Variants in LRBA observed in about 807,000 individuals in gnomAD.
The protein encoded by LRBA is LPS responsive beige-like anchor protein, also known as lipopolysaccharide-responsive and beige-like anchor protein.
A neutral mutation model predicts 330.0 loss-of-function variants in LRBA; 176 were observed. The observed-to-expected ratio is 0.53, with a 90% CI of 0.47 to 0.60. The LOEUF is 0.60. Among genes scored for constraint, LRBA ranks in the 20% least tolerant of loss-of-function variants. The pLI, the probability that LRBA is intolerant of heterozygous loss-of-function variation, is 0.00. For missense variants in LRBA, 3,259 were observed against 3,444.8 expected (o/e 0.95, Z 1.35); for synonymous variants, 1,230 against 1,193.0 (o/e 1.03, Z -0.64).
chr4:150,365,933 T>C (rs1739408665), intron 47 of LRBA, among the ~76,000 whole-genome samples: 1 of 152,180 alleles, frequency 6.6e-6, no homozygotes, highest in Admixed American at 6.5e-5. Context: ...AACATTTTCA[T>C]GTAACTACCC....
intron 40 of LRBA, among the ~76,000 whole-genome samples, chr4:150,496,253 T>C (rs539415541): frequency 6.6e-6 from 1 of 152,232 alleles, no homozygotes; most frequent in South Asian, 2.1e-4. Flanking sequence ...CACTTATTCT[T>C]AGTAAAAGTA....
At chr4:150,352,368 T>G (rs1482290095) in intron 47 of LRBA, among the ~76,000 whole-genome samples, 4 of 152,210 alleles carry the variant, frequency 2.6e-5, no homozygotes, top group Non-Finnish European at 5.9e-5. Flanking sequence ...AAAATTTCCT[T>G]TAATATTTAA....
At chr4:150,359,707 G>A (rs760813829) in intron 47 of LRBA, among the ~76,000 whole-genome samples, 43 of 152,082 alleles carry the variant, frequency 2.8e-4, no homozygotes, top group Admixed American at 6.6e-4. Context: ...TTGACCAGGC[G>A]CAGTGGGTTA....
chr4:150,318,831 C>T (rs1164775394), intron 50 of LRBA, among the ~76,000 whole-genome samples: 1 of 152,098 alleles, frequency 6.6e-6, no homozygotes, highest in Non-Finnish European at 1.5e-5. Context: ...GCTCACTGAA[C>T]AGAAATATAG....
In LRBA at chr4:150,893,096, G is replaced by A. The variant is rs2127098245; in HGVS notation, c.2121C>T (p.His707=). 2 of 1,612,360 alleles carry A rather than the reference G, an allele frequency of 1.2e-6. No homozygotes were observed. Among genetic ancestry groups the A allele is most frequent in the East Asian group, 2.2e-5 (1 of 44,734 alleles). ...CAAAAGCAGGAATCATAGAGTTAGG[G>A]TGTTCTGACATTAATGCAACAAGCA... ...LQLLVALMSE[H]PNSMIPAFDQ... is the part of the protein sequence containing the mutation. Residue 707 remains histidine (H), a synonymous_variant, in exon 17 of 57, where the codon CAC becomes CAT. Coordinates refer to ENST00000651943, the MANE Select transcript of LRBA (RefSeq NM_001364905.1).
chr4:150,809,892 TACG>T (rs1560850088), intron 31 of LRBA, among the ~76,000 whole-genome samples: 2 of 149,878 alleles, frequency 1.3e-5, no homozygotes, highest in East Asian at 2.0e-4. Flanking sequence ...TACGATACGA[TACG>T]ATACGATACG....
At chr4:150,531,823 C>A (rs967522305) in intron 40 of LRBA, among the ~76,000 whole-genome samples, 1 of 152,182 alleles carries the variant, frequency 6.6e-6, no homozygotes, top group Non-Finnish European at 1.5e-5. Flanking sequence ...CAGTTGGATT[C>A]TCCTAATTAA....
At chr4:150,399,578 G>C (rs973814957) in intron 47 of LRBA, among the ~76,000 whole-genome samples, 2 of 152,134 alleles carry the variant, frequency 1.3e-5, no homozygotes, top group African/African-American at 4.8e-5. Context: ...TAACATGCTA[G>C]CTGTTAAGTA....
chr4:150,999,790 C>T (rs1317855230), intron 2 of LRBA, among the ~76,000 whole-genome samples: 2 of 151,822 alleles, frequency 1.3e-5, no homozygotes, highest in Non-Finnish European at 2.9e-5. Context: ...TGGTAATAAA[C>T]ATTTCCTAAG....
chr4:150,365,674 C>T (rs1581123370), intron 47 of LRBA, among the ~76,000 whole-genome samples: 1 of 151,562 alleles, frequency 6.6e-6, no homozygotes, highest in Non-Finnish European at 1.5e-5. Context: ...GACTGTAATC[C>T]CAGCTACTCA....
chr4:150,647,721 C>A (rs761247275), intron 37 of LRBA, among the ~76,000 whole-genome samples: 1 of 151,984 alleles, frequency 6.6e-6, no homozygotes, highest in Non-Finnish European at 1.5e-5. Context: ...CTGAACAACT[C>A]AAAGTTCCTT....
intron 2 of LRBA, among the ~76,000 whole-genome samples, chr4:150,938,644 C>G (rs752794556): frequency 6.6e-6 from 1 of 152,222 alleles, no homozygotes; most frequent in African/African-American, 2.4e-5. Context: ...TTTCCAGCTA[C>G]GCTCCTTCCT....
chr4:150,828,536 T>C lies in LRBA; in HGVS notation c.4815A>G (p.Ser1605=), dbSNP rs1273603230. ...CAGTGGCTGTTTCTTCCCCAATGCCTGAGTCCCTCCTTCGAGCAGATGATG... is the reference window on the plus strand; with the variant it reads ...CAGTGGCTGTTTCTTCCCCAATGCCCGAGTCCCTCCTTCGAGCAGATGATG... ...ESTSSARRRD[S]GIGEETATGL... The change falls in exon 30 of 57, where the codon TCA becomes TCG. Residue 1605 remains serine (S), a synonymous_variant. Coordinates refer to ENST00000651943, the MANE Select transcript of LRBA (RefSeq NM_001364905.1). 6.2e-7 allele frequency: 1 copy of C among 1,614,162 alleles called. No individual in the cohort carries two copies. Among genetic ancestry groups the C allele is most frequent in the African/African-American group, 1.3e-5 (1 of 75,060 alleles).
intron 40 of LRBA, among the ~76,000 whole-genome samples, chr4:150,503,606 A>C (rs1269813608): frequency 6.6e-6 from 1 of 152,180 alleles, no homozygotes; most frequent in Non-Finnish European, 1.5e-5. Flanking sequence ...ACCATCATCA[A>C]AGACCAAAGG....
rs1445290068 is a variant in LRBA at position 150,265,059 on chromosome 4, T to TG, written c.*662dup. The stretch of plus-strand genomic sequence containing the variant: ...ATTTCGTTTTGTTGTGCTATGAAGA[T>TG]GACAGATCAGGAAAAAATGGTAACT... On this transcript the variant is annotated 3_prime_UTR_variant, in exon 57 of 57. Coordinates refer to ENST00000651943, the MANE Select transcript of LRBA (RefSeq NM_001364905.1). 1 of 152,718 alleles carries TG rather than the reference T, an allele frequency of 6.5e-6. No individual in the cohort carries two copies. The highest frequency in any genetic ancestry group is 1.5e-5 in the Non-Finnish European group (1 of 68,096). The allele number at this position is 152,718 out of a possible 1,614,324, so 9.5% of individuals were successfully genotyped here.
intron 17 of LRBA, among the ~76,000 whole-genome samples, chr4:150,881,430 A>G (rs1208817794): frequency 6.6e-6 from 1 of 152,224 alleles, no homozygotes; most frequent in Non-Finnish European, 1.5e-5. Flanking sequence ...AATGCCAAAT[A>G]TCACATCTTC....
At chr4:150,999,676 C>T (rs1030995450) in intron 2 of LRBA, among the ~76,000 whole-genome samples, 2 of 149,316 alleles carry the variant, frequency 1.3e-5, no homozygotes, top group Non-Finnish European at 3.0e-5. Flanking sequence ...CTGGCATGAA[C>T]AACAAACCCC....
chr4:150,828,694 T>C (rs1746655812), intron 29 of LRBA, 73 bp from the exon 30 acceptor site: 2 of 1,247,720 alleles, frequency 1.6e-6, no homozygotes, highest in Non-Finnish European at 2.2e-6. Flanking sequence ...GTATATTCTG[T>C]TTTAATAGCT....
chr4:150,605,873 A>C (rs1437959625), intron 37 of LRBA, among the ~76,000 whole-genome samples: 1 of 152,194 alleles, frequency 6.6e-6, no homozygotes, highest in Non-Finnish European at 1.5e-5. Flanking sequence ...ATGCTGTCTT[A>C]ATGAAAAGGA....
Sources: gnomAD v4.1 joint callset for allele counts (sites outside exome capture counted in the v4.1 genomes callset) on GRCh38, gnomAD v4.1.1 for gene constraint, MANE v1.5 for transcripts, NCBI Gene and HGNC (gene_info 2026-07-23, HGNC 2026-07-21) for gene names.